The following FBXO34 variants were observed in gnomAD, a reference collection of about 807,000 sequenced individuals.
FBXO34 encodes F-box only protein 34.
FBXO34 carries 12 observed loss-of-function variants against 24.5 expected under a neutral mutation model. That is an observed-to-expected ratio of 0.49 (90% CI 0.31 to 0.79). The LOEUF is 0.79. Ranked by LOEUF, FBXO34 falls within the 30% of genes least tolerant of loss-of-function variation. The pLI is 0.04. For synonymous variants in FBXO34, 320 were observed against 311.9 expected (o/e 1.03, Z -0.27); for missense variants, 823 against 857.7 (o/e 0.96, Z 0.51).
the FBXO34 span, chr14:55,428,764 A>C: frequency 6.4e-7 from 1 of 1,572,604 alleles, no homozygotes; most frequent in East Asian, 2.3e-5. Context: ...TGTAACTTAA[A>C]TATCTTGGTA....
the FBXO34 span, among the ~76,000 whole-genome samples, chr14:55,439,617 C>CCGCCCCCGCCCG: frequency 6.9e-5 from 5 of 72,628 alleles, no homozygotes; most frequent in African/African-American, 2.2e-4. Context: ...AAAGCAAACC[C>CCGCCCCCGCCCG]CCCCCCGTCT....
the FBXO34 span, among the ~76,000 whole-genome samples, chr14:55,380,875 A>ATATATATATATATATTTT: frequency 8.9e-6 from 1 of 112,732 alleles, no homozygotes; most frequent in Non-Finnish European, 1.7e-5. Context: ...ATATATATAT[A>ATATATATATATATATTTT]TTTTTTTTTT....
chr14:55,431,639 A>G, the FBXO34 span, among the ~76,000 whole-genome samples: 19 of 152,372 alleles, frequency 1.2e-4, no homozygotes, highest in South Asian at 3.9e-3. Flanking sequence ...AAGTCCAGCA[A>G]TGTACTCAGA....
At chr14:55,360,013 G>A (rs542035999) in intron 3 of FBXO34, among the ~76,000 whole-genome samples, 27 of 151,954 alleles carry the variant, frequency 1.8e-4, no homozygotes, top group Non-Finnish European at 3.5e-4. Context: ...CCAGGACGTC[G>A]AGGCTGCAGT....
At chr14:55,275,394 C>CT (rs1168238576) in intron 1 of FBXO34, among the ~76,000 whole-genome samples, 12 of 152,164 alleles carry the variant, frequency 7.9e-5, no homozygotes, top group Non-Finnish European at 1.6e-4. Flanking sequence ...TATTTCTGTG[C>CT]CAGGTACTCA....
chr14:55,329,031 A>G (rs892063037), intron 1 of FBXO34, among the ~76,000 whole-genome samples: 7 of 151,842 alleles, frequency 4.6e-5, no homozygotes, highest in East Asian at 1.9e-4. Context: ...CCGTGTATCA[A>G]TCAATCCTGT....
chr14:55,356,788 G>A (rs555261126), downstream of FBXO34, among the ~76,000 whole-genome samples: 3 of 152,080 alleles, frequency 2.0e-5, no homozygotes, highest in South Asian at 4.2e-4. Context: ...GGGGTCTCTC[G>A]CTTAGGCTGG....
At chr14:55,316,564 CAAAAAA>C (rs35008153) in intron 1 of FBXO34, among the ~76,000 whole-genome samples, 1 of 118,172 alleles carries the variant, frequency 8.5e-6, no homozygotes, top group Non-Finnish European at 1.8e-5. Flanking sequence ...CTGTCTCTAC[CAAAAAA>C]AAAAAAAAAA....
the FBXO34 span, among the ~76,000 whole-genome samples, chr14:55,398,280 T>C: frequency 1.3e-5 from 2 of 152,106 alleles, no homozygotes; most frequent in Non-Finnish European, 1.5e-5. Context: ...GCCAGTTTTC[T>C]ATCTTTATTT....
rs189195266 is a variant in FBXO34, at chr14:55,279,880, G to C, written c.-11+8343G>C. Reference sequence around the variant, plus strand: ...TTTGCTAAGTGCCCCTAAATAAAGAGCCAGTAGATACTGAGTAGCAAATAG... The same window carrying C: ...TTTGCTAAGTGCCCCTAAATAAAGACCCAGTAGATACTGAGTAGCAAATAG... On this transcript the variant is annotated intron_variant, in intron 1 of 1. Coordinates refer to ENST00000313833, the MANE Select transcript of FBXO34 (RefSeq NM_017943.4). Among the ~76,000 whole-genome samples the C allele has an allele frequency of 4.6e-5, 7 of 152,276 alleles. No homozygotes were observed. The East Asian group carries it at 1.3e-3, about 29-fold the overall frequency.
At position 55,350,841 on chromosome 14, in the gene FBXO34, A is replaced by C; in HGVS notation, c.451A>C (p.Arg151=). 6.2e-7 allele frequency: 1 copy of C among 1,613,234 alleles called. No homozygotes were observed. The highest frequency in any genetic ancestry group is 8.5e-7 in the Non-Finnish European group (1 of 1,179,816). Residue 151 remains arginine (R), a synonymous_variant, in exon 2 of 2, where the codon AGG becomes CGG. Coordinates refer to ENST00000313833, the MANE Select transcript of FBXO34 (RefSeq NM_017943.4). ...TATTGATGGGAGAGCTACTAAGAGA[A>C]GGAAAAAATCAGGGGATCTTAAAAA... The part of the protein sequence containing the change: ...WDIDGRATKR[R]KKSGDLKKAK...
intron 1 of FBXO34, among the ~76,000 whole-genome samples, chr14:55,326,798 ACT>A (rs762179954): frequency 6.6e-5 from 10 of 152,256 alleles, no homozygotes; most frequent in Admixed American, 2.6e-4. Flanking sequence ...AGGATAGAAA[ACT>A]CTCAATAATA....
At chr14:55,290,404 A>G (rs1348751972) in intron 1 of FBXO34, among the ~76,000 whole-genome samples, 1 of 151,806 alleles carries the variant, frequency 6.6e-6, no homozygotes, top group Non-Finnish European at 1.5e-5. Flanking sequence ...AAAAAAAAAT[A>G]AATAAAATAA....
intron 1 of FBXO34, among the ~76,000 whole-genome samples, chr14:55,310,833 C>G (rs1292912237): frequency 6.6e-6 from 1 of 152,054 alleles, no homozygotes; most frequent in Non-Finnish European, 1.5e-5. Flanking sequence ...TGACCATCAT[C>G]CAGTTTGGAG....
chr14:55,390,816 A>G, the FBXO34 span: 1 of 832,652 alleles, frequency 1.2e-6, no homozygotes, highest in Non-Finnish European at 1.9e-6. Flanking sequence ...CTGCCCCACC[A>G]TCCCCTTCCT....
At chr14:55,302,849 G>T (rs757440624) in intron 1 of FBXO34, among the ~76,000 whole-genome samples, 2 of 152,208 alleles carry the variant, frequency 1.3e-5, no homozygotes, top group African/African-American at 4.8e-5. Flanking sequence ...AATGTAAGTA[G>T]TTTTGGGGCA....
the FBXO34 span, among the ~76,000 whole-genome samples, chr14:55,377,050 A>T: frequency 2.6e-5 from 4 of 152,196 alleles, no homozygotes; most frequent in East Asian, 7.7e-4. Context: ...TGACTCAGTG[A>T]TAAGAAAATT....
the FBXO34 span, among the ~76,000 whole-genome samples, chr14:55,434,041 A>G: frequency 4.6e-5 from 7 of 152,206 alleles, no homozygotes; most frequent in Non-Finnish European, 1.0e-4. Context: ...ATAACCTCCA[A>G]TATTACACAG....
At chr14:55,416,012 T>C in the FBXO34 span, among the ~76,000 whole-genome samples, 1 of 152,168 alleles carries the variant, frequency 6.6e-6, no homozygotes, top group Non-Finnish European at 1.5e-5. Flanking sequence ...TAAGATTCTA[T>C]GTATAAGAAG....
Sources: allele counts gnomAD v4.1 joint callset (sites outside exome capture counted in the v4.1 genomes callset), GRCh38; gene constraint gnomAD v4.1.1; transcripts MANE v1.5; gene names NCBI Gene and HGNC (gene_info 2026-07-23, HGNC 2026-07-21).